Variants in ZFPM2 observed in about 807,000 individuals in gnomAD.
ZFPM2 encodes zinc finger protein ZFPM2.
A neutral mutation model predicts 98.6 loss-of-function variants in ZFPM2; 20 were observed. The observed-to-expected ratio is 0.20, with a 90% CI of 0.14 to 0.29. ZFPM2 has a LOEUF of 0.29. ZFPM2 is among the 10% of genes least tolerant of loss of function. ZFPM2 has a pLI of 1.00. For missense variants in ZFPM2, 1,310 were observed against 1,388.6 expected, an observed-to-expected ratio of 0.94 and a Z score of 0.90; for synonymous variants, 518 against 502.7, an observed-to-expected ratio of 1.03 and a Z score of -0.41.
intron 3 of ZFPM2, among the ~76,000 whole-genome samples, chr8:105,493,368 G>A (rs1813394400): frequency 6.6e-6 from 1 of 152,202 alleles, no homozygotes; most frequent in African/African-American, 2.4e-5. Context: ...GGAAAAGCAG[G>A]TATTTGAAAG....
At chr8:105,328,525 C>G (rs140577335) in intron 1 of ZFPM2, among the ~76,000 whole-genome samples, 2,014 of 151,850 alleles carry the variant, frequency 0.013, 14 homozygotes, top group Non-Finnish European at 0.023. Context: ...CTTCTTACCT[C>G]AACTGTTTAT....
At chr8:105,346,384 CAAAA>C (rs1188986869) in intron 1 of ZFPM2, among the ~76,000 whole-genome samples, 1 of 129,678 alleles carries the variant, frequency 7.7e-6, no homozygotes, top group African/African-American at 2.8e-5. Flanking sequence ...AACTCCATCT[CAAAA>C]AAAAAAAAAA....
At chr8:105,504,728 A>C (rs895678470) in intron 3 of ZFPM2, among the ~76,000 whole-genome samples, 29 of 152,182 alleles carry the variant, frequency 1.9e-4, no homozygotes, top group African/African-American at 6.8e-4. Context: ...CTGACACCGT[A>C]TAATAATGAT....
At chr8:105,603,885 A>G (rs1563739059) in intron 4 of ZFPM2, among the ~76,000 whole-genome samples, 1 of 151,766 alleles carries the variant, frequency 6.6e-6, no homozygotes. Flanking sequence ...TGCTTTCTCC[A>G]CCTTACTGAA....
intron 4 of ZFPM2, among the ~76,000 whole-genome samples, chr8:105,583,093 T>C (rs1440220503): frequency 6.6e-6 from 1 of 152,198 alleles, no homozygotes; most frequent in African/African-American, 2.4e-5. Flanking sequence ...AAATCAGTTA[T>C]GCAACATCTT....
chr8:105,385,318 T>C (rs1049093276), intron 1 of ZFPM2, among the ~76,000 whole-genome samples: 1 of 152,232 alleles, frequency 6.6e-6, no homozygotes. Flanking sequence ...ACCATGGATG[T>C]TATTTCTGTC....
chr8:105,489,958 A>AT (rs1339829748), intron 3 of ZFPM2, among the ~76,000 whole-genome samples: 4 of 152,000 alleles, frequency 2.6e-5, no homozygotes, highest in Non-Finnish European at 5.9e-5. Flanking sequence ...TTTTTAAAAA[A>AT]TGATGTCCTG....
chr8:105,624,963 A>G (rs1816624455), intron 4 of ZFPM2, among the ~76,000 whole-genome samples: 1 of 152,158 alleles, frequency 6.6e-6, no homozygotes, highest in Non-Finnish European at 1.5e-5. Flanking sequence ...CACATACCAC[A>G]TTCTACTCGA....
At chr8:105,758,477 T>G (rs986199127) in intron 5 of ZFPM2, among the ~76,000 whole-genome samples, 13 of 152,144 alleles carry the variant, frequency 8.5e-5, no homozygotes, top group African/African-American at 3.1e-4. Flanking sequence ...AGAAAAACAT[T>G]CTATACATGA....
intron 5 of ZFPM2, among the ~76,000 whole-genome samples, chr8:105,638,332 TC>T (rs1364945796): frequency 6.6e-6 from 1 of 152,028 alleles, no homozygotes; most frequent in Non-Finnish European, 1.5e-5. Flanking sequence ...GAGAGGTAGT[TC>T]CCTAAATAAA....
chr8:105,791,368 T>C (rs1368185745), intron 6 of ZFPM2, among the ~76,000 whole-genome samples: 5 of 152,182 alleles, frequency 3.3e-5, no homozygotes, highest in African/African-American at 1.2e-4. Context: ...TTGTCTTTGG[T>C]TCTGTTTATA....
intron 5 of ZFPM2, among the ~76,000 whole-genome samples, chr8:105,725,056 T>G (rs1460576706): frequency 6.6e-6 from 1 of 151,910 alleles, no homozygotes; most frequent in East Asian, 1.9e-4. Flanking sequence ...CTTGCTCTTT[T>G]GTAAAACATC....
chr8:105,338,541 T>C (rs1812367395), intron 1 of ZFPM2, among the ~76,000 whole-genome samples: 2 of 151,998 alleles, frequency 1.3e-5, no homozygotes, highest in South Asian at 4.1e-4. Context: ...CTCAGTTAAA[T>C]AAGGCAAGAA....
chr8:105,757,211 C>T (rs978208262), intron 5 of ZFPM2, among the ~76,000 whole-genome samples: 1 of 152,114 alleles, frequency 6.6e-6, no homozygotes, highest in Non-Finnish European at 1.5e-5. Flanking sequence ...GTTAGAGTGA[C>T]GTCTAAAGGC....
intron 3 of ZFPM2, among the ~76,000 whole-genome samples, chr8:105,502,001 G>A (rs2130474804): frequency 6.6e-6 from 1 of 151,970 alleles, no homozygotes; most frequent in South Asian, 2.1e-4. Flanking sequence ...AAAGTTTACT[G>A]TATATAAAAT....
chr8:105,691,265 G>A (rs201003081), intron 5 of ZFPM2, among the ~76,000 whole-genome samples: 14 of 51,828 alleles, frequency 2.7e-4, no homozygotes, highest in African/African-American at 8.7e-4. Flanking sequence ...TTTTTGAGAC[G>A]GAGTCTCGCT....
chr8:105,788,754 C>T lies in ZFPM2; in HGVS notation c.569C>T (p.Ser190Phe). ...TGGTGTACAACTACGAAGGCCATCT[C>T]TGAGGGTGAAGAGCTAATTGCCTTT... ...QLWCTTTKAISEGEELIAFVV... is the reference protein window; with the variant it reads ...QLWCTTTKAIFEGEELIAFVV... Residue 190 changes from serine (S) to phenylalanine (F), a missense_variant, in exon 6 of 8, where the codon TCT becomes TTT. Physicochemically the swap from Ser to Phe is radical, Grantham distance 155. Transcript: ENST00000407775. The T allele has an allele frequency of 1.2e-6, 2 of 1,613,988 alleles. No homozygotes were observed. Among genetic ancestry groups the T allele is most frequent in the Non-Finnish European group, 1.7e-6 (2 of 1,179,866 alleles).
At chr8:105,341,201 C>T in intron 1 of ZFPM2, among the ~76,000 whole-genome samples, 1 of 151,868 alleles carries the variant, frequency 6.6e-6, no homozygotes, top group Non-Finnish European at 1.5e-5. Context: ...CTAAAAGATG[C>T]ACAAATCCGT....
chr8:105,773,000 A>AAC (rs1813015485), intron 5 of ZFPM2, among the ~76,000 whole-genome samples: 1 of 152,194 alleles, frequency 6.6e-6, no homozygotes, highest in South Asian at 2.1e-4. Flanking sequence ...GAAGTTGTTT[A>AAC]GTCAGTTAAC....
Sources: gnomAD v4.1 joint callset for allele counts (sites outside exome capture counted in the v4.1 genomes callset) on GRCh38, gnomAD v4.1.1 for gene constraint, MANE v1.5 for transcripts, NCBI Gene and HGNC (gene_info 2026-07-23, HGNC 2026-07-21) for gene names.